ROS1: variants seen among roughly 807,000 people sequenced by gnomAD.
ROS1 encodes proto-oncogene tyrosine-protein kinase ROS.
A neutral mutation model predicts 273.5 loss-of-function variants in ROS1; 263 were observed. The ratio of observed to expected loss-of-function variants is 0.96; its 90% CI spans 0.87 to 1.06. The LOEUF is 1.06. Among genes scored for constraint, ROS1 ranks in the 50% least tolerant of loss-of-function variants. The pLI, the probability that ROS1 is intolerant of heterozygous loss-of-function variation, is 0.00. For synonymous variants in ROS1, 1,008 were observed against 954.1 expected, an observed-to-expected ratio of 1.06 and a Z score of -1.04; for missense variants, 2,833 against 2,751.1, an observed-to-expected ratio of 1.03 and a Z score of -0.67.
At chr6:117,343,673 T>G (rs942696453) in intron 28 of ROS1, among the ~76,000 whole-genome samples, 7 of 152,128 alleles carry the variant, frequency 4.6e-5, no homozygotes, top group Non-Finnish European at 8.8e-5. Context: ...GGAGAAGAGG[T>G]ATAAGGCAAT....
At chr6:117,354,833 TGCAATAGC>T (rs1470944945) in intron 26 of ROS1, among the ~76,000 whole-genome samples, 4 of 152,286 alleles carry the variant, frequency 2.6e-5, no homozygotes, top group South Asian at 4.1e-4. Flanking sequence ...TCAAGATAAG[TGCAATAGC>T]GCACTAGGAA....
At chr6:117,400,174 C>T (rs1000920694) in intron 7 of ROS1, among the ~76,000 whole-genome samples, 5 of 152,230 alleles carry the variant, frequency 3.3e-5, no homozygotes, top group Non-Finnish European at 7.3e-5. Flanking sequence ...TGGACCTGCC[C>T]TTTTCTCTCC....
chr6:117,290,512 T>C (rs1773759221), intron 43 of ROS1, among the ~76,000 whole-genome samples: 1 of 152,240 alleles, frequency 6.6e-6, no homozygotes, highest in South Asian at 2.1e-4. Flanking sequence ...TAGCATGCAC[T>C]GGGCAACCTC....
Position 117,389,652 on chromosome 6 carries a change from G to A in ROS1, c.1484C>T (p.Ala495Val), listed in dbSNP as rs749377024. 3.1e-6 allele frequency: 5 copies of A among 1,614,084 alleles called. No homozygotes were observed. In the African/African-American group the frequency reaches 5.3e-5, roughly 17 times the overall value. The change falls in exon 13 of 44, where the codon GCT becomes GTT. Residue 495 changes from alanine (A) to valine (V), a missense_variant. Coordinates refer to ENST00000368507, the MANE Select transcript of ROS1 (RefSeq NM_001378902.1). Reference protein sequence around the residue: ...VFMSTFLDGSASHLILPRIPF... With the variant: ...VFMSTFLDGSVSHLILPRIPF... ...GATGCGAGGTAGGATGAGATGGGAA[G>A]CAGAGCCATCCAGAAATGTTGACAT...
rs147068521 is a variant in ROS1, at chr6:117,349,114, T to C, written c.4303+3876A>G. Among the ~76,000 whole-genome samples the C allele has an allele frequency of 7.0e-4, 106 of 152,106 alleles. 1 individual carries two copies. Among genetic ancestry groups the C allele is most frequent in the African/African-American group, 2.4e-3 (101 of 41,568 alleles). On this transcript the variant is annotated intron_variant, in intron 27 of 43. Coordinates refer to ENST00000368507, the MANE Select transcript of ROS1 (RefSeq NM_001378902.1). ...CCAATTAATTGATGGTGTTATTGAG[T>C]TCATCAGTATATCCTTAGTGATTTT...
intron 33 of ROS1, chr6:117,328,530 AT>A: frequency 2.5e-6 from 1 of 396,594 alleles, no homozygotes; most frequent in Non-Finnish European, 4.8e-6. Flanking sequence ...GAACAGGAAC[AT>A]TTTTTAAGGT....
At chr6:117,379,588 ATTT>A in intron 17 of ROS1, among the ~76,000 whole-genome samples, 1 of 152,236 alleles carries the variant, frequency 6.6e-6, no homozygotes, top group East Asian at 1.9e-4. Flanking sequence ...GAGCCAGTGA[ATTT>A]TGTTGTTGTT....
chr6:117,398,093 T>C (rs578080331), intron 7 of ROS1, among the ~76,000 whole-genome samples: 8 of 152,170 alleles, frequency 5.3e-5, no homozygotes, highest in African/African-American at 1.7e-4. Flanking sequence ...CTCGGCTCCA[T>C]GTAGTCAGTC....
intron 34 of ROS1, 126 bp downstream of exon 34, chr6:117,326,087 AAGATTATATAT>A (rs1053124672): frequency 2.8e-4 from 48 of 173,248 alleles, no homozygotes; most frequent in Non-Finnish European, 4.4e-4. Context: ...TTTGGATAAT[AAGATTATATAT>A]ATATATATAT....
chr6:117,373,027 TG>T (rs1011704620), intron 18 of ROS1, among the ~76,000 whole-genome samples: 4 of 152,236 alleles, frequency 2.6e-5, no homozygotes. Flanking sequence ...CACAGAGTGC[TG>T]ATTGGTGTAT....
At position 117,326,222 on chromosome 6, in the gene ROS1, A is replaced by T. The variant is rs775286308; in HGVS notation, c.5539+2T>A. The T allele has an allele frequency of 6.3e-7, 1 of 1,579,596 alleles. No homozygotes were observed. The stretch of plus-strand genomic sequence containing the variant: ...AGTGTGTAGACAGACATGGTAACAT[A>T]CCTCCAACTAATATAATATTCTCAC... On this transcript the variant is annotated splice_donor_variant, in intron 34 of 43. Transcript: ENST00000368507. LOFTEE classifies it high-confidence loss of function.
At position 117,352,914 on chromosome 6, in the gene ROS1, T is replaced by C. The variant is rs549711460; in HGVS notation, c.4303+76A>G. On this transcript the variant is annotated intron_variant, in intron 27 of 43. Coordinates refer to ENST00000368507, the MANE Select transcript of ROS1 (RefSeq NM_001378902.1). ...AACAAAGGGGCTAAAGGGACAGCCT[T>C]GGAGAAGGAGATGTTATGAGATTTT... 33 of 1,361,514 alleles carry C rather than the reference T, an allele frequency of 2.4e-5. No individual in the cohort carries two copies. The South Asian group carries it at 4.2e-4, about 17-fold the overall frequency. 84.3% of individuals were successfully genotyped at this position (1,361,514 alleles called of 1,614,324 possible). A position where few individuals can be genotyped will look rare whatever the true frequency, so the allele number is the denominator to read the frequency against.
Position 117,337,262 on chromosome 6 carries a change from G to T in ROS1, c.5140C>A (p.Gln1714Lys). The T allele has an allele frequency of 6.2e-7, 1 of 1,612,274 alleles. No homozygotes were observed. Among genetic ancestry groups the T allele is most frequent in the Non-Finnish European group, 8.5e-7 (1 of 1,178,762 alleles). Residue 1714 changes from glutamine (Q) to lysine (K), a missense_variant, in exon 32 of 44, where the codon CAA (glutamine) becomes AAA (lysine). Gln to Lys is a moderately conservative substitution (Grantham distance 53). Coordinates refer to ENST00000368507, the MANE Select transcript of ROS1 (RefSeq NM_001378902.1). ...PAYVCNITNL[Q>K]PYTSYNVRVV... ...CTGACATTATATGAAGTATAAGGTT[G>T]TAGATTTGTGATATTACAGACATAA...
rs757060623 is a variant in ROS1, at chr6:117,362,594, C to T, written c.3366+9G>A. 1.3e-5 allele frequency: 21 copies of T among 1,609,246 alleles called. No homozygotes were observed. Among genetic ancestry groups the T allele is most frequent in the Non-Finnish European group, 1.6e-5 (19 of 1,178,030 alleles). On this transcript the variant is annotated intron_variant, in intron 22 of 43. Transcript: ENST00000368507. ...AAGACTCTCATATCTTCTGTTTTCT[C>T]TCTCATACCTGGAAGGCAATAAAGC...
chr6:117,374,490 G>T (rs970317362), intron 18 of ROS1, among the ~76,000 whole-genome samples: 4 of 152,180 alleles, frequency 2.6e-5, no homozygotes, highest in African/African-American at 9.7e-5. Context: ...ATGGATCAAA[G>T]ACTTAAATCT....
chr6:117,329,574 T>C (rs1776903976), intron 32 of ROS1, 128 bp from the exon 33 acceptor site: 2 of 581,774 alleles, frequency 3.4e-6, no homozygotes, highest in Non-Finnish European at 6.0e-6. Flanking sequence ...GGGGCCAAGA[T>C]GGCCGACTAG....
At chr6:117,393,714 T>C (rs911475790) in intron 11 of ROS1, among the ~76,000 whole-genome samples, 2 of 152,158 alleles carry the variant, frequency 1.3e-5, no homozygotes, top group African/African-American at 2.4e-5. Flanking sequence ...ATAGTCCTTA[T>C]GCACCACCAC....
intron 5 of ROS1, among the ~76,000 whole-genome samples, chr6:117,404,640 T>A (rs1280073855): frequency 6.6e-6 from 1 of 152,224 alleles, no homozygotes; most frequent in African/African-American, 2.4e-5. Context: ...GAATTTATTG[T>A]TATCTTTGAA....
chr6:117,302,544 G>A (rs915439802), intron 42 of ROS1, among the ~76,000 whole-genome samples: 1 of 152,116 alleles, frequency 6.6e-6, no homozygotes, highest in Non-Finnish European at 1.5e-5. Flanking sequence ...CACTACAGTG[G>A]TCCAAACTTG....
Sources: gnomAD v4.1 joint callset for allele counts (sites outside exome capture counted in the v4.1 genomes callset) on GRCh38, gnomAD v4.1.1 for gene constraint, MANE v1.5 for transcripts, NCBI Gene and HGNC (gene_info 2026-07-23, HGNC 2026-07-21) for gene names.